Variants in CEP350 observed in about 807,000 individuals in gnomAD.
CEP350 encodes the protein centrosome-associated protein 350.
Under a neutral mutation model 331.8 loss-of-function variants are expected in CEP350, and 126 were observed. The ratio of observed to expected loss-of-function variants is 0.38; its 90% CI spans 0.33 to 0.44. CEP350 has a LOEUF of 0.44. CEP350 is among the 20% of genes least tolerant of loss of function. The probability of loss-of-function intolerance (pLI) is 1.00; values close to 1 mark genes in which losing one functional copy is unlikely to be tolerated. For synonymous variants in CEP350, 1,200 were observed against 1,259.5 expected (o/e 0.95, Z 1.00); for missense variants, 3,406 against 3,634.6 (o/e 0.94, Z 1.62).
Position 179,996,822 on chromosome 1 carries a change from A to C in CEP350, c.665A>C (p.Glu222Ala). ...LIRMGASMRT[E>A]EEMPNRTKGS... Reference sequence around the variant, plus strand: ...AGGATGGGAGCTTCTATGAGAACTGAGGAAGAAATGCCTAACAGAACAAAA... The same window carrying C: ...AGGATGGGAGCTTCTATGAGAACTGCGGAAGAAATGCCTAACAGAACAAAA... The change falls in exon 6 of 38, where the codon GAG becomes GCG. Residue 222 changes from glutamate to alanine, a missense_variant. Physicochemically the swap from Glu to Ala is moderately radical, Grantham distance 107. Around this residue, in one of 5 missense-constraint regions of CEP350, gnomAD observed 1,857 missense variants for 1,909.2 expected, o/e 0.97. Coordinates refer to ENST00000367607, the MANE Select transcript of CEP350 (RefSeq NM_014810.5). 1.2e-6 allele frequency: 2 copies of C among 1,613,742 alleles called. No homozygotes were observed. Among genetic ancestry groups the C allele is most frequent in the Non-Finnish European group, 1.7e-6 (2 of 1,179,702 alleles).
intron 1 of CEP350, among the ~76,000 whole-genome samples, chr1:179,978,043 T>C (rs1652005991): frequency 6.6e-6 from 1 of 151,912 alleles, no homozygotes; most frequent in Non-Finnish European, 1.5e-5. Flanking sequence ...CAATAAAAAG[T>C]ATGGTATAGT....
chr1:180,017,740 G>A (rs1348371312), intron 11 of CEP350, among the ~76,000 whole-genome samples: 1 of 152,014 alleles, frequency 6.6e-6, no homozygotes, highest in Non-Finnish European at 1.5e-5. Flanking sequence ...GTTACTTTTT[G>A]CTTAAAATTT....
intron 37 of CEP350, among the ~76,000 whole-genome samples, chr1:180,099,816 C>T (rs1428571086): frequency 7.5e-6 from 1 of 133,192 alleles, no homozygotes; most frequent in African/African-American, 2.9e-5. Context: ...GACACAGTCT[C>T]GCTCTGTCAC....
At chr1:179,972,550 G>A (rs550750623) in intron 1 of CEP350, among the ~76,000 whole-genome samples, 51 of 152,230 alleles carry the variant, frequency 3.4e-4, no homozygotes, top group Non-Finnish European at 7.1e-4. Flanking sequence ...TGTCACCCAG[G>A]CTGGAGTGCA....
chr1:180,013,139 A>G (rs1160871898), intron 9 of CEP350, among the ~76,000 whole-genome samples: 3 of 152,196 alleles, frequency 2.0e-5, no homozygotes, highest in Non-Finnish European at 4.4e-5. Context: ...AATACACAAA[A>G]TTTTAAAAAT....
At chr1:180,050,530 G>T (rs757195697) in intron 22 of CEP350, among the ~76,000 whole-genome samples, 1 of 151,988 alleles carries the variant, frequency 6.6e-6, no homozygotes, top group African/African-American at 2.4e-5. Context: ...GGGCATGGTG[G>T]TATGCGCCTG....
At position 180,093,159 on chromosome 1, in the gene CEP350, G is replaced by T; in HGVS notation, c.7054G>T (p.Glu2352Ter). 1 of 1,597,622 alleles carries T rather than the reference G, an allele frequency of 6.3e-7. No individual in the cohort carries two copies. The change falls in exon 34 of 38, where the codon GAA (glutamate) becomes TAA (stop). Residue 2352 changes from glutamate (E) to a stop codon, truncating the protein, a stop_gained. Transcript: ENST00000367607. LOFTEE classifies it high-confidence loss of function. ...CATCCAATCAGGAAAAGACATTCAC[G>T]AACAAAAGAACACAAAGGAAAAAGA... Reference protein sequence around the residue: ...PNIQSGKDIHEQKNTKEKDLS... With the variant: ...PNIQSGKDIH
chr1:180,057,522 T>C (rs1268072918), intron 25 of CEP350, among the ~76,000 whole-genome samples: 1 of 152,014 alleles, frequency 6.6e-6, no homozygotes, highest in East Asian at 1.9e-4. Flanking sequence ...TTTTCTTTTT[T>C]TTTTTTTAAA....
In CEP350 at chr1:180,112,147, G is replaced by A. The variant is rs562810279; in HGVS notation, c.*986G>A. 2.0e-5 allele frequency: 3 copies of A among 152,562 alleles called. No individual in the cohort carries two copies. Among genetic ancestry groups the A allele is most frequent in the East Asian group, 1.9e-4 (1 of 5,202 alleles). The allele number at this position is 152,562 out of a possible 1,614,324, so 9.5% of individuals were successfully genotyped here. On this transcript the variant is annotated 3_prime_UTR_variant, in exon 38 of 38. Transcript: ENST00000367607. The stretch of plus-strand genomic sequence containing the variant: ...TCTATTGTTTGTGTGCTTGTTTTGC[G>A]CTATGGAACATTTTTTAATTTATTT...
At chr1:180,038,814 T>G (rs531332206) in intron 17 of CEP350, among the ~76,000 whole-genome samples, 1 of 152,338 alleles carries the variant, frequency 6.6e-6, no homozygotes, top group East Asian at 1.9e-4. Context: ...AGGTCTTGGC[T>G]TATCTTTTCA....
Position 180,095,519 on chromosome 1 carries a change from A to G in CEP350, c.8512-4A>G, listed in dbSNP as rs779803293. Reference sequence around the variant, plus strand: ...GCTCTGTTTGAATGGTTCCATTTCTATAGGAGAGCCCAGTATTTGGTGCCA... The same window carrying G: ...GCTCTGTTTGAATGGTTCCATTTCTGTAGGAGAGCCCAGTATTTGGTGCCA... On this transcript the variant is annotated splice_polypyrimidine_tract_variant and splice_region_variant and intron_variant, in intron 34 of 37. Coordinates refer to ENST00000367607, the MANE Select transcript of CEP350 (RefSeq NM_014810.5). 1.1e-5 allele frequency: 17 copies of G among 1,612,616 alleles called. No individual in the cohort carries two copies. Among genetic ancestry groups the G allele is most frequent in the East Asian group, 4.5e-5 (2 of 44,872 alleles).
Position 180,021,097 on chromosome 1 carries a change from A to C in CEP350, c.3235+88A>C, listed in dbSNP as rs1331490611. On this transcript the variant is annotated intron_variant, in intron 12 of 37. Coordinates refer to ENST00000367607, the MANE Select transcript of CEP350 (RefSeq NM_014810.5). ...GTATGAGATATGTACTTTAGTACAC[A>C]TTTTTCGTTGAGTGGATAATGGAGA... 8.1e-6 allele frequency: 10 copies of C among 1,227,622 alleles called. No homozygotes were observed. In the Admixed American group the frequency reaches 2.9e-4, roughly 35 times the overall value. The allele number at this position is 1,227,622 out of a possible 1,614,324, so 76.0% of individuals were successfully genotyped here.
At chr1:180,018,881 C>T (rs1443339790) in intron 11 of CEP350, among the ~76,000 whole-genome samples, 1 of 135,324 alleles carries the variant, frequency 7.4e-6, no homozygotes, top group Non-Finnish European at 1.6e-5. Flanking sequence ...TTTTCTGAGA[C>T]AGTCTTACTG....
At chr1:180,098,775 T>TA in intron 36 of CEP350, 88 bp from the exon 37 acceptor site, 2 of 1,027,984 alleles carry the variant, frequency 1.9e-6, no homozygotes, top group Non-Finnish European at 2.8e-6. Context: ...ATTATATTCT[T>TA]ATCGTGAATC....
At chr1:180,061,997 A>G (rs1201431441) in intron 25 of CEP350, among the ~76,000 whole-genome samples, 1 of 152,178 alleles carries the variant, frequency 6.6e-6, no homozygotes, top group African/African-American at 2.4e-5. Flanking sequence ...CAATCTAATT[A>G]TAATTTAAAA....
At chr1:179,992,013 G>C (rs1393925353) in intron 4 of CEP350, 49 bp from the exon 5 acceptor site, 1 of 1,456,574 alleles carries the variant, frequency 6.9e-7, no homozygotes. Flanking sequence ...TAATTCAGAG[G>C]CAGTTGTATT....
chr1:180,035,326 G>T (rs1014404702), intron 16 of CEP350, among the ~76,000 whole-genome samples: 1 of 152,220 alleles, frequency 6.6e-6, no homozygotes, highest in Non-Finnish European at 1.5e-5. Context: ...GAAGATAGTT[G>T]ATGAAAGTGG....
At position 179,955,065 on chromosome 1, in the gene CEP350, C is replaced by T. The variant is rs991065416; in HGVS notation, c.-91C>T. On this transcript the variant is annotated 5_prime_UTR_variant, in exon 1 of 38. Coordinates refer to ENST00000367607, the MANE Select transcript of CEP350 (RefSeq NM_014810.5). Reference sequence around the variant, plus strand: ...CAGGCCGGGCAGCCCTGGGGCCGGTCGGGGCGGCGTCACTGCACCCTCCGC... The same window carrying T: ...CAGGCCGGGCAGCCCTGGGGCCGGTTGGGGCGGCGTCACTGCACCCTCCGC... 3.5e-6 allele frequency: 5 copies of T among 1,414,524 alleles called. No individual in the cohort carries two copies. Among genetic ancestry groups the T allele is most frequent in the Non-Finnish European group, 2.8e-6 (3 of 1,085,934 alleles). The allele number at this position is 1,414,524 out of a possible 1,614,324, so 87.6% of individuals were successfully genotyped here.
intron 31 of CEP350, among the ~76,000 whole-genome samples, chr1:180,084,755 T>C (rs1041498491): frequency 6.6e-5 from 10 of 152,140 alleles, no homozygotes; most frequent in African/African-American, 2.4e-4. Context: ...AAGTCCCAGA[T>C]ACTCAGGAGG....
Sources: gnomAD v4.1 joint callset for allele counts (sites outside exome capture counted in the v4.1 genomes callset) on GRCh38, gnomAD v4.1.1 for gene constraint, gnomAD v4.1.1 regional missense constraint, MANE v1.5 for transcripts, NCBI Gene and HGNC (gene_info 2026-07-23, HGNC 2026-07-21) for gene names.